The following ARHGAP15 variants were observed in gnomAD, a reference collection of about 807,000 sequenced individuals.
ARHGAP15 encodes rho GTPase-activating protein 15.
A neutral mutation model predicts 63.7 loss-of-function variants in ARHGAP15; 51 were observed. The observed-to-expected ratio is 0.80, with a 90% CI of 0.64 to 1.01. The LOEUF is 1.01. Ranked by LOEUF, ARHGAP15 falls within the 50% of genes least tolerant of loss-of-function variation. The pLI is 0.00. For synonymous variants in ARHGAP15, 191 were observed against 193.8 expected (o/e 0.99, Z 0.12); for missense variants, 560 against 564.6 (o/e 0.99, Z 0.08).
chr2:143,400,296 A>T (rs998896234), intron 6 of ARHGAP15, among the ~76,000 whole-genome samples: 2 of 152,038 alleles, frequency 1.3e-5, no homozygotes, highest in African/African-American at 4.8e-5. Flanking sequence ...TTGAAAGTGA[A>T]TGATTGAACT....
chr2:143,587,188 T>A (rs1697140457), intron 11 of ARHGAP15, among the ~76,000 whole-genome samples: 1 of 152,182 alleles, frequency 6.6e-6, no homozygotes, highest in Non-Finnish European at 1.5e-5. Context: ...CAGATATTAC[T>A]CTTGAAACTG....
At chr2:143,332,334 T>C (rs1684583881) in intron 6 of ARHGAP15, among the ~76,000 whole-genome samples, 1 of 152,154 alleles carries the variant, frequency 6.6e-6, no homozygotes, top group Non-Finnish European at 1.5e-5. Flanking sequence ...GATGGTGAGA[T>C]ATAACTGCCT....
intron 11 of ARHGAP15, among the ~76,000 whole-genome samples, chr2:143,604,353 G>T (rs527271872): frequency 1.3e-5 from 2 of 152,184 alleles, no homozygotes; most frequent in African/African-American, 2.4e-5. Context: ...GACTGTGTTT[G>T]TGTGTGTGCA....
intron 6 of ARHGAP15, among the ~76,000 whole-genome samples, chr2:143,356,092 T>G (rs907885852): frequency 3.3e-5 from 5 of 152,066 alleles, no homozygotes; most frequent in African/African-American, 1.2e-4. Flanking sequence ...GAAAGCATTC[T>G]GATGCCTCTA....
In ARHGAP15 at chr2:143,667,960, C is replaced by T. The variant is rs142565727; in HGVS notation, c.1139-35459C>T. Among the ~76,000 whole-genome samples the T allele has an allele frequency of 2.3e-3, 353 of 151,958 alleles. 2 individuals are homozygous for T. Among genetic ancestry groups the T allele is most frequent in the Middle Eastern group, 6.8e-3 (2 of 294 alleles). On this transcript the variant is annotated intron_variant, in intron 12 of 13. Coordinates refer to ENST00000295095, the MANE Select transcript of ARHGAP15 (RefSeq NM_018460.4). The stretch of plus-strand genomic sequence containing the variant: ...CTATGTTTGCACCACTGCACTCCAG[C>T]CTGGGTGACAGAGCAAGACCCTGTC...
At chr2:143,253,011 T>A (rs1288103928) in intron 6 of ARHGAP15, among the ~76,000 whole-genome samples, 2 of 152,060 alleles carry the variant, frequency 1.3e-5, no homozygotes, top group Non-Finnish European at 2.9e-5. Context: ...TCTTCCTGAC[T>A]GAAAAAGACC....
At chr2:143,298,718 T>C (rs1324993383) in intron 6 of ARHGAP15, among the ~76,000 whole-genome samples, 4 of 151,928 alleles carry the variant, frequency 2.6e-5, no homozygotes, top group Non-Finnish European at 4.4e-5. Context: ...GGCAATAGTG[T>C]CTATGGATCT....
chr2:143,225,830 C>T (rs975306368), intron 4 of ARHGAP15, among the ~76,000 whole-genome samples: 3 of 152,016 alleles, frequency 2.0e-5, no homozygotes, highest in African/African-American at 4.8e-5. Context: ...ATCAGGTTTA[C>T]GCTAGGTATT....
At chr2:143,287,497 T>G (rs1017018527) in intron 6 of ARHGAP15, among the ~76,000 whole-genome samples, 1 of 151,962 alleles carries the variant, frequency 6.6e-6, no homozygotes, top group African/African-American at 2.4e-5. Flanking sequence ...CTCGGGGGCC[T>G]CTGATCTTGT....
intron 10 of ARHGAP15, among the ~76,000 whole-genome samples, chr2:143,535,279 A>G (rs1694702834): frequency 6.6e-6 from 1 of 152,144 alleles, no homozygotes; most frequent in Admixed American, 6.5e-5. Flanking sequence ...CCCATTATGT[A>G]CTTGCCCCCT....
At position 143,504,341 on chromosome 2, in the gene ARHGAP15, G is replaced by A. The variant is rs182374535; in HGVS notation, c.827-14925G>A. ...GGCTGGGCACTGGGCCTACAAAGAT[G>A]TATAAGTTGTGATTCCATCCTTCAA... On this transcript the variant is annotated intron_variant, in intron 9 of 13. Coordinates refer to ENST00000295095, the MANE Select transcript of ARHGAP15 (RefSeq NM_018460.4). Among the ~76,000 whole-genome samples, 10 of 152,310 alleles carry A rather than the reference G, an allele frequency of 6.6e-5. 1 individual carries two copies. The highest frequency in any genetic ancestry group is 1.3e-4 in the Admixed American group (2 of 15,294).
chr2:143,203,557 A>G (rs896362113), intron 3 of ARHGAP15, among the ~76,000 whole-genome samples: 1 of 152,116 alleles, frequency 6.6e-6, no homozygotes, highest in Non-Finnish European at 1.5e-5. Flanking sequence ...GGTACACTAG[A>G]AGCCCAACAA....
intron 11 of ARHGAP15, among the ~76,000 whole-genome samples, chr2:143,623,155 C>T (rs1698706161): frequency 6.6e-6 from 1 of 152,178 alleles, no homozygotes; most frequent in Non-Finnish European, 1.5e-5. Context: ...TCGTCTGGCT[C>T]GACAGCAGTG....
intron 10 of ARHGAP15, among the ~76,000 whole-genome samples, chr2:143,532,678 T>C (rs1415079670): frequency 6.6e-6 from 1 of 152,152 alleles, no homozygotes; most frequent in African/African-American, 2.4e-5. Context: ...AAAACAACTG[T>C]CAGGGACTCC....
chr2:143,638,904 G>A (rs1680474498), intron 12 of ARHGAP15, among the ~76,000 whole-genome samples: 1 of 151,894 alleles, frequency 6.6e-6, no homozygotes, highest in South Asian at 2.1e-4. Flanking sequence ...ATTGCTATGT[G>A]TACATTTCAC....
At chr2:143,162,112 A>G (rs1690320962) in intron 2 of ARHGAP15, 2 of 152,008 alleles carry the variant, frequency 1.3e-5, no homozygotes, top group Non-Finnish European at 2.9e-5. Context: ...AGTTTTATTA[A>G]AAAGATCTGA....
intron 8 of ARHGAP15, among the ~76,000 whole-genome samples, chr2:143,455,382 C>A (rs1690599795): frequency 6.6e-6 from 1 of 151,894 alleles, no homozygotes; most frequent in South Asian, 2.1e-4. Context: ...TGGCTGGCTT[C>A]TTTACCACAT....
chr2:143,726,343 T>C (rs1301580242), intron 13 of ARHGAP15, among the ~76,000 whole-genome samples: 1 of 152,146 alleles, frequency 6.6e-6, no homozygotes, highest in African/African-American at 2.4e-5. Context: ...AAAGAGGCAG[T>C]GTTTTTAGAC....
chr2:143,155,589 C>A lies in ARHGAP15; in HGVS notation c.99C>A (p.Ser33Arg). Residue 33 changes from serine (S) to arginine (R), a missense_variant, in exon 2 of 14, where the codon AGC becomes AGA. By Grantham distance (110) the Ser-to-Arg change is moderately radical (BLOSUM62 -1). Coordinates refer to ENST00000295095, the MANE Select transcript of ARHGAP15 (RefSeq NM_018460.4). Reference sequence around the variant, plus strand: ...AAATGAGAATCAAAAATGCCAACAGCCACCATGACAGGCTCAGCCAAAGTA... The same window carrying A: ...AAATGAGAATCAAAAATGCCAACAGACACCATGACAGGCTCAGCCAAAGTA... Reference protein sequence around the residue: ...AVQMRIKNANSHHDRLSQSKS... With the variant: ...AVQMRIKNANRHHDRLSQSKS... The A allele has an allele frequency of 6.2e-7, 1 of 1,609,108 alleles. No homozygotes were observed. Among genetic ancestry groups the A allele is most frequent in the Non-Finnish European group, 8.5e-7 (1 of 1,177,876 alleles).
Sources: gnomAD v4.1 joint callset for allele counts (sites outside exome capture counted in the v4.1 genomes callset) on GRCh38, gnomAD v4.1.1 for gene constraint, MANE v1.5 for transcripts, NCBI Gene and HGNC (gene_info 2026-07-23, HGNC 2026-07-21) for gene names.